The following RBFOX1 variants were observed in gnomAD, a reference collection of about 807,000 sequenced individuals.
The protein encoded by RBFOX1 is RNA binding fox-1 homolog 1.
Under a neutral mutation model 57.7 loss-of-function variants are expected in RBFOX1, and 8 were observed. The observed-to-expected ratio is 0.14, with a 90% CI of 0.08 to 0.25. The LOEUF is 0.25. RBFOX1 is among the 10% of genes least tolerant of loss of function. RBFOX1 has a pLI of 1.00. For synonymous variants in RBFOX1, 326 were observed against 222.4 expected, an observed-to-expected ratio of 1.47 and a Z score of -4.15; for missense variants, 611 against 548.5, an observed-to-expected ratio of 1.11 and a Z score of -1.14.
chr16:7,353,673 G>C (rs2097166540), intron 4 of RBFOX1, among the ~76,000 whole-genome samples: 1 of 152,184 alleles, frequency 6.6e-6, no homozygotes, highest in Admixed American at 6.5e-5. Flanking sequence ...TGAACCTTGA[G>C]AATGTTGTAC....
chr16:7,557,486 G>C (rs1287799552), intron 5 of RBFOX1, among the ~76,000 whole-genome samples: 1 of 151,488 alleles, frequency 6.6e-6, no homozygotes. Flanking sequence ...CAGGCATGGT[G>C]GTGGGTGCCT....
rs770204602 is a variant in RBFOX1, at chr16:7,630,588, C to G, written c.677-15C>G. 3 of 1,614,072 alleles carry G rather than the reference C, an allele frequency of 1.9e-6. No homozygotes were observed. Among genetic ancestry groups the G allele is most frequent in the East Asian group, 2.2e-5 (1 of 44,880 alleles). ...GATTCCCAAACCAGATACCATCTCT[C>G]TCTCTCTTTCGTAGGCACGGTCCTG... On this transcript the variant is annotated splice_polypyrimidine_tract_variant and intron_variant, in intron 10 of 15. Transcript: ENST00000550418.
At chr16:6,114,412 G>A (rs1343242475) in intron 1 of RBFOX1, among the ~76,000 whole-genome samples, 4 of 152,184 alleles carry the variant, frequency 2.6e-5, no homozygotes, top group Admixed American at 1.3e-4. Context: ...GAAAATTCTA[G>A]CATGAGCATC....
intron 4 of RBFOX1, among the ~76,000 whole-genome samples, chr16:7,516,471 A>G (rs1189010660): frequency 6.6e-6 from 1 of 152,188 alleles, no homozygotes; most frequent in Non-Finnish European, 1.5e-5. Context: ...GGCTTTGTTG[A>G]AGAAACAGGA....
chr16:7,465,137 T>G (rs962174887), intron 4 of RBFOX1, among the ~76,000 whole-genome samples: 1 of 152,174 alleles, frequency 6.6e-6, no homozygotes, highest in East Asian at 1.9e-4. Context: ...CGTCAGGGGC[T>G]TTGCATATTT....
intron 13 of RBFOX1, among the ~76,000 whole-genome samples, chr16:7,674,802 C>T (rs956146203): frequency 4.6e-5 from 7 of 152,158 alleles, no homozygotes; most frequent in Non-Finnish European, 8.8e-5. Flanking sequence ...GTTGTTTGCA[C>T]CGCAGCAATT....
Position 6,335,784 on chromosome 16 carries a change from AAAAAAAG to A in RBFOX1, c.-64+18734_-64+18740del, listed in dbSNP as rs1311993884. 6.3e-3 allele frequency among the ~76,000 whole-genome samples: 940 copies of A among 149,728 alleles called. 13 individuals are homozygous for A. The highest frequency in any genetic ancestry group is 0.022 in the African/African-American group (898 of 40,162). On this transcript the variant is annotated intron_variant, in intron 2 of 15. Coordinates refer to ENST00000550418, the MANE Select transcript of RBFOX1 (RefSeq NM_018723.4). The stretch of plus-strand genomic sequence containing the variant: ...TACAGCAAGACTGTCTCCAAAAAAA[AAAAAAAG>A]AAAAAAAAAAGAAAAGAAAAGAAAA...
intron 1 of RBFOX1, among the ~76,000 whole-genome samples, chr16:6,304,488 C>G (rs1490134043): frequency 2.6e-5 from 4 of 152,012 alleles, no homozygotes; most frequent in Non-Finnish European, 5.9e-5. Context: ...GAGGAGGACA[C>G]TTAGAATCTT....
At chr16:6,364,663 G>A (rs2089240301) in intron 2 of RBFOX1, among the ~76,000 whole-genome samples, 1 of 152,200 alleles carries the variant, frequency 6.6e-6, no homozygotes, top group Admixed American at 6.5e-5. Context: ...AGTTTCAAAT[G>A]TGATGTGTTT....
At chr16:7,696,050 G>T (rs2078705384) in intron 14 of RBFOX1, among the ~76,000 whole-genome samples, 1 of 152,162 alleles carries the variant, frequency 6.6e-6, no homozygotes, top group African/African-American at 2.4e-5. Flanking sequence ...GAAAAGCAAT[G>T]CCTTTTACGT....
At chr16:6,674,936 C>T (rs562454968) in intron 3 of RBFOX1, among the ~76,000 whole-genome samples, 48 of 152,154 alleles carry the variant, frequency 3.2e-4, no homozygotes, top group Middle Eastern at 6.8e-3. Flanking sequence ...GACACAGTCT[C>T]ACTGTGTCAC....
At chr16:5,583,348 T>A (rs1407832446) in intron 2 of RBFOX1, among the ~76,000 whole-genome samples, 1 of 152,218 alleles carries the variant, frequency 6.6e-6, no homozygotes, top group Non-Finnish European at 1.5e-5. Context: ...ATAGTATGTA[T>A]CTGTAATAAT....
intron 3 of RBFOX1, among the ~76,000 whole-genome samples, chr16:7,047,617 AT>A (rs36185357): frequency 0.46 from 64,918 of 140,828 alleles, 17,134 homozygotes; most frequent in South Asian, 0.63. Context: ...TTATTTCTTA[AT>A]TTTTTTTTTT....
chr16:7,358,029 A>C (rs575180354), intron 4 of RBFOX1, among the ~76,000 whole-genome samples: 1 of 152,352 alleles, frequency 6.6e-6, no homozygotes, highest in African/African-American at 2.4e-5. Context: ...GTGCAGCCTG[A>C]GACCTGAGCT....
rs374718724 is a variant in RBFOX1, at chr16:6,035,223, G to A, written c.-127+15231G>A. On this transcript the variant is annotated intron_variant, in intron 1 of 15. Coordinates refer to ENST00000550418, the MANE Select transcript of RBFOX1 (RefSeq NM_018723.4). Reference sequence around the variant, plus strand: ...ACTCAGACAAAGAGCAAAATATGCCGTGGGCATCTGTAGCATAACACCAGA... The same window carrying A: ...ACTCAGACAAAGAGCAAAATATGCCATGGGCATCTGTAGCATAACACCAGA... 9.2e-5 allele frequency among the ~76,000 whole-genome samples: 14 copies of A among 152,162 alleles called. No individual in the cohort carries two copies. The East Asian group carries it at 1.3e-3, about 15-fold the overall frequency.
At chr16:6,015,984 G>A (rs2094991185), upstream of RBFOX1, among the ~76,000 whole-genome samples, 1 of 152,202 alleles carries the variant, frequency 6.6e-6, no homozygotes, top group African/African-American at 2.4e-5. Context: ...AAGAACAAAG[G>A]ACTACATAAA....
chr16:5,375,380 G>A (rs1451754678), intron 1 of RBFOX1, among the ~76,000 whole-genome samples: 1 of 152,174 alleles, frequency 6.6e-6, no homozygotes, highest in Admixed American at 6.5e-5. Flanking sequence ...GCAGCCAAGG[G>A]GCATGGAGAC....
chr16:6,550,227 G>C (rs1307736731), intron 2 of RBFOX1, among the ~76,000 whole-genome samples: 1 of 152,062 alleles, frequency 6.6e-6, no homozygotes, highest in African/African-American at 2.4e-5. Context: ...GCCCAGACTG[G>C]AGTGTAGTGG....
At chr16:6,631,725 C>T (rs1344797976) in intron 2 of RBFOX1, among the ~76,000 whole-genome samples, 1 of 152,056 alleles carries the variant, frequency 6.6e-6, no homozygotes. Context: ...GGGAAGAGCT[C>T]ACTGATGAGC....
Sources: allele counts gnomAD v4.1 joint callset (sites outside exome capture counted in the v4.1 genomes callset), GRCh38; gene constraint gnomAD v4.1.1; transcripts MANE v1.5; gene names NCBI Gene and HGNC (gene_info 2026-07-23, HGNC 2026-07-21).